PDE4D: variants seen among roughly 807,000 people sequenced by gnomAD.
PDE4D encodes the protein 3',5'-cyclic-AMP phosphodiesterase 4D.
Under a neutral mutation model 87.4 loss-of-function variants are expected in PDE4D, and 24 were observed. That is an observed-to-expected ratio of 0.27 (90% CI 0.20 to 0.39). PDE4D has a LOEUF of 0.39. Ranked by LOEUF, PDE4D falls within the 10% of genes least tolerant of loss-of-function variation. The probability of loss-of-function intolerance (pLI) is 1.00; values close to 1 mark genes in which losing one functional copy is unlikely to be tolerated. For synonymous variants in PDE4D, 384 were observed against 383.2 expected, an observed-to-expected ratio of 1.00 and a Z score of -0.02; for missense variants, 714 against 1,041.0, an observed-to-expected ratio of 0.69 and a Z score of 4.32.
chr5:60,197,295 C>G (rs1162564134), intron 1 of PDE4D, among the ~76,000 whole-genome samples: 3 of 151,440 alleles, frequency 2.0e-5, no homozygotes, highest in Non-Finnish European at 4.4e-5. Flanking sequence ...GAGCCAGATA[C>G]CTTCAGAAGT....
chr5:60,179,180 G>A lies in PDE4D; in HGVS notation c.42+6377C>T, dbSNP rs779063995. 4.6e-5 allele frequency among the ~76,000 whole-genome samples: 7 copies of A among 152,166 alleles called. No individual in the cohort carries two copies. The South Asian group carries it at 6.2e-4, about 14-fold the overall frequency. The stretch of plus-strand genomic sequence containing the variant: ...GTATCCCTACCCCCATGTGTGTGGC[G>A]TATGACATATCCTGGGTAATAGGAA... On this transcript the variant is annotated intron_variant, in intron 2 of 16. Transcript: ENST00000502484.
intron 1 of PDE4D, among the ~76,000 whole-genome samples, chr5:59,420,894 G>C (rs1359158593): frequency 3.9e-5 from 6 of 152,054 alleles, no homozygotes; most frequent in Non-Finnish European, 8.8e-5. Context: ...AGGGTAGCAG[G>C]GGGCAGGAGG....
At chr5:59,286,156 A>G (rs531441812) in intron 1 of PDE4D, among the ~76,000 whole-genome samples, 1 of 152,350 alleles carries the variant, frequency 6.6e-6, no homozygotes, top group African/African-American at 2.4e-5. Context: ...GAACCAGGTC[A>G]GAACTCAAGC....
rs1344928728 is a variant in PDE4D at position 59,877,280 on chromosome 5, C to A, written c.455+15888G>T. On this transcript the variant is annotated intron_variant, in intron 1 of 14. Coordinates refer to ENST00000340635, the MANE Select transcript of PDE4D (RefSeq NM_001104631.2). ...GCAAAGGCTTGTTAAGTGTGATTAA[C>A]AGATTATTATGGTGTCTATGCAGAT... 2.0e-5 allele frequency among the ~76,000 whole-genome samples: 3 copies of A among 152,054 alleles called. No homozygotes were observed. The East Asian group carries it at 5.8e-4, about 29-fold the overall frequency.
chr5:59,468,830 A>G (rs528692390), intron 1 of PDE4D, among the ~76,000 whole-genome samples: 16 of 152,284 alleles, frequency 1.1e-4, no homozygotes, highest in Admixed American at 5.2e-4. Flanking sequence ...TAGAGCTTCA[A>G]TGCAACCATA....
intron 1 of PDE4D, among the ~76,000 whole-genome samples, chr5:59,458,287 T>G (rs772160404): frequency 6.6e-6 from 1 of 152,246 alleles, no homozygotes. Flanking sequence ...GGGACATGTC[T>G]TGCACATCAT....
intron 2 of PDE4D, among the ~76,000 whole-genome samples, chr5:60,053,925 A>T (rs772898939): frequency 4.6e-5 from 7 of 152,212 alleles, no homozygotes; most frequent in African/African-American, 9.6e-5. Context: ...GCCAACAAAC[A>T]TATAAACAAA....
intron 1 of PDE4D, among the ~76,000 whole-genome samples, chr5:59,330,491 C>T: frequency 6.6e-6 from 1 of 152,132 alleles, no homozygotes; most frequent in Non-Finnish European, 1.5e-5. Flanking sequence ...TCCAATGATG[C>T]TCATGAAAAT....
At chr5:59,904,609 G>A (rs373907001) in intron 3 of PDE4D, among the ~76,000 whole-genome samples, 14 of 152,198 alleles carry the variant, frequency 9.2e-5, no homozygotes, top group African/African-American at 2.2e-4. Context: ...ACTTTTCAGC[G>A]TACCACAATT....
chr5:60,168,798 T>G (rs551788351), intron 2 of PDE4D, among the ~76,000 whole-genome samples: 2 of 152,214 alleles, frequency 1.3e-5, no homozygotes, highest in Admixed American at 6.5e-5. Context: ...AAAAGTATTT[T>G]AGATTTGCAA....
At chr5:58,977,130 T>A (rs1174469426) in intron 12 of PDE4D, 61 bp downstream of exon 12, 58 of 1,462,448 alleles carry the variant, frequency 4.0e-5, no homozygotes, top group Non-Finnish European at 4.8e-5. Context: ...CTTGTTCTTA[T>A]GTCTAAATTA....
chr5:59,243,829 T>C (rs1462101158), intron 1 of PDE4D, among the ~76,000 whole-genome samples: 1 of 152,086 alleles, frequency 6.6e-6, no homozygotes, highest in Non-Finnish European at 1.5e-5. Context: ...TTGACAAGTT[T>C]AGACACCATT....
intron 6 of PDE4D, among the ~76,000 whole-genome samples, chr5:58,997,796 GT>G (rs1240403982): frequency 6.6e-6 from 1 of 152,072 alleles, no homozygotes; most frequent in Non-Finnish European, 1.5e-5. Flanking sequence ...TCTCAATACT[GT>G]ATTTTGCTTT....
chr5:59,952,270 T>G lies in PDE4D; in HGVS notation c.272+36218A>C, dbSNP rs1028954342. Reference sequence around the variant, plus strand: ...ACTGTGTCAATTAACCCTCTTTTCTTTATAAATTACCCAGTCTCAGGTATG... The same window carrying G: ...ACTGTGTCAATTAACCCTCTTTTCTGTATAAATTACCCAGTCTCAGGTATG... On this transcript the variant is annotated intron_variant, in intron 3 of 16. Transcript: ENST00000502484. Among the ~76,000 whole-genome samples the G allele has an allele frequency of 3.9e-5, 6 of 152,142 alleles. No individual in the cohort carries two copies. The East Asian group carries it at 1.2e-3, about 29-fold the overall frequency.
At chr5:60,335,613 A>G (rs1005431626) in intron 1 of PDE4D, among the ~76,000 whole-genome samples, 34 of 152,182 alleles carry the variant, frequency 2.2e-4, no homozygotes, top group African/African-American at 6.8e-4. Flanking sequence ...GGCTAGAAGA[A>G]ATAGTAAACT....
At chr5:60,227,501 G>A (rs1306621743) in intron 1 of PDE4D, among the ~76,000 whole-genome samples, 5 of 150,880 alleles carry the variant, frequency 3.3e-5, no homozygotes, top group Admixed American at 2.0e-4. Flanking sequence ...TTGTGTGATA[G>A]GAAAGAGGGA....
intron 1 of PDE4D, among the ~76,000 whole-genome samples, chr5:59,456,026 T>G (rs1183438675): frequency 6.6e-6 from 1 of 152,192 alleles, no homozygotes; most frequent in Non-Finnish European, 1.5e-5. Flanking sequence ...TAGAAGGGAC[T>G]CCCCTTGTCT....
rs1162000110 is a variant in PDE4D at position 59,893,477 on chromosome 5, C to T, written c.146G>A (p.Arg49His). 9 of 1,537,018 alleles carry T rather than the reference C, an allele frequency of 5.9e-6. No individual in the cohort carries two copies. In the Admixed American group the frequency reaches 6.0e-5, roughly 10 times the overall value. Reference protein sequence around the residue: ...HQYPLRQPQFRLLHPHHHLPP... With the variant: ...HQYPLRQPQFHLLHPHHHLPP... ...CAGGTGGTGATGGGGATGCAGGAGGCGGAACTGGGGCTGCCGGAGCGGGTA... is the reference window on the plus strand; with the variant it reads ...CAGGTGGTGATGGGGATGCAGGAGGTGGAACTGGGGCTGCCGGAGCGGGTA... The change falls in exon 1 of 15, where the codon CGC (arginine) becomes CAC (histidine). Residue 49 changes from arginine (R) to histidine (H), a missense_variant. Around this residue, in one of 7 missense-constraint regions of PDE4D, gnomAD observed 268 missense variants for 272.9 expected, o/e 0.98. Transcript: ENST00000340635.
chr5:59,392,119 C>T (rs1434211202), intron 1 of PDE4D, among the ~76,000 whole-genome samples: 3 of 151,596 alleles, frequency 2.0e-5, no homozygotes, highest in Non-Finnish European at 4.4e-5. Context: ...TGTGATAATC[C>T]TGAGTGTGAA....
Sources: allele counts gnomAD v4.1 joint callset (sites outside exome capture counted in the v4.1 genomes callset), GRCh38; gene constraint gnomAD v4.1.1; regional missense constraint gnomAD v4.1.1; transcripts MANE v1.5; gene names NCBI Gene and HGNC (gene_info 2026-07-23, HGNC 2026-07-21).